Variants in ZFP14 observed in about 807,000 individuals in gnomAD.
ZFP14 encodes zinc finger protein 14 homolog.
In ZFP14, 22 loss-of-function variants were observed where a neutral mutation model predicts 54.5. The ratio of observed to expected loss-of-function variants is 0.40; its 90% confidence interval spans 0.29 to 0.58. The LOEUF is 0.58. ZFP14 is among the 20% of genes least tolerant of loss of function. The pLI is 0.39. For synonymous variants in ZFP14, 159 were observed against 204.0 expected (o/e 0.78, Z 1.88); for missense variants, 470 against 637.8 (o/e 0.74, Z 2.83).
At chr19:36,357,087 G>A (rs2031626301) in intron 4 of ZFP14, among the ~76,000 whole-genome samples, 1 of 152,142 alleles carries the variant, frequency 6.6e-6, no homozygotes, top group Non-Finnish European at 1.5e-5. Context: ...CTGTCACCCA[G>A]GCTGGAGTGC....
intron 1 of ZFP14, among the ~76,000 whole-genome samples, chr19:36,374,346 C>A (rs1159526341): frequency 6.6e-6 from 1 of 151,868 alleles, no homozygotes; most frequent in African/African-American, 2.4e-5. Context: ...AAAAATTAGC[C>A]GGGCATGATG....
rs1166390086 is a variant in ZFP14 at position 36,356,144 on chromosome 19, A to AG, written c.235+4290_235+4291insC. On this transcript the variant is annotated intron_variant, in intron 4 of 4. Coordinates refer to ENST00000270001, the MANE Select transcript of ZFP14 (RefSeq NM_020917.3). Reference sequence around the variant, plus strand: ...GTATAGCACAATATTCAAAACAAGAAATTAATGGGGCTGGGCGCAGTAGCT... The same window carrying AG: ...GTATAGCACAATATTCAAAACAAGAAGATTAATGGGGCTGGGCGCAGTAGCT... Among the ~76,000 whole-genome samples, 30 of 102,354 alleles carry AG rather than the reference A, an allele frequency of 2.9e-4. 1 individual carries two copies. The highest frequency in any genetic ancestry group is 8.5e-4 in the East Asian group (3 of 3,528). The allele number at this position is 102,354 out of a possible 152,430, so 67.1% of individuals were successfully genotyped here.
Position 36,353,304 on chromosome 19 carries a change from C to T in ZFP14, c.235+7131G>A, listed in dbSNP as rs962233001. On this transcript the variant is annotated intron_variant, in intron 4 of 4. Coordinates refer to ENST00000270001, the MANE Select transcript of ZFP14 (RefSeq NM_020917.3). ...GTACCATTCTCAGCAAAACCACTAT[C>T]ATCTTCAATGTGGACAAATGAAATA... is the stretch of plus-strand genomic sequence containing the variant. 3.5e-5 allele frequency among the ~76,000 whole-genome samples: 5 copies of T among 142,942 alleles called. 1 individual carries two copies. Among genetic ancestry groups the T allele is most frequent in the South Asian group, 2.2e-4 (1 of 4,512 alleles). 93.8% of individuals were successfully genotyped at this position (142,942 alleles called of 152,430 possible). A position where few individuals can be genotyped will look rare whatever the true frequency, so the allele number is the denominator to read the frequency against.
In ZFP14 at chr19:36,340,705, C is replaced by G. The variant is rs1259163230; in HGVS notation, c.1121G>C (p.Gly374Ala). 10 of 1,613,856 alleles carry G rather than the reference C, an allele frequency of 6.2e-6. No individual in the cohort carries two copies. Among genetic ancestry groups the G allele is most frequent in the Middle Eastern group, 1.6e-4 (1 of 6,062 alleles). Residue 374 changes from glycine (G) to alanine (A), a missense_variant, in exon 5 of 5, where the codon GGG becomes GCG. Transcript: ENST00000270001. The surrounding 1 kb of genome is among the most constrained non-coding windows in gnomAD (Gnocchi z 5.4). ...TTGTTGTCTTAATCTAAAAGTCTTC[C>G]CACATTCCTTACATTCGTAGGGTTT... is the stretch of plus-strand genomic sequence containing the variant. ...GEKPYECKEC[G>A]KTFRLRQQLV...
intron 1 of ZFP14, among the ~76,000 whole-genome samples, chr19:36,374,481 C>T (rs2031929230): frequency 7.4e-6 from 1 of 134,402 alleles, no homozygotes; most frequent in Admixed American, 7.9e-5. Context: ...CAGAGGGAGA[C>T]TCTGTCTCAA....
chr19:36,362,361 G>A (rs1422453115), intron 2 of ZFP14, 123 bp from the exon 3 acceptor site: 2 of 1,028,146 alleles, frequency 1.9e-6, no homozygotes, highest in Non-Finnish European at 2.7e-6. Context: ...GCATTGGGCT[G>A]AAAACTTGTG....
intron 4 of ZFP14, among the ~76,000 whole-genome samples, chr19:36,348,047 G>GAA (rs954568277): frequency 6.7e-6 from 1 of 148,486 alleles, no homozygotes; most frequent in Non-Finnish European, 1.5e-5. Context: ...AACAGAGTGA[G>GAA]AAAAAAAAAA....
chr19:36,342,413 C>CT (rs2031337611), intron 4 of ZFP14, among the ~76,000 whole-genome samples: 1 of 151,826 alleles, frequency 6.6e-6, no homozygotes, highest in Non-Finnish European at 1.5e-5. Context: ...TCTCGAACTC[C>CT]TGACCTCAGG....
intron 2 of ZFP14, 111 bp downstream of exon 2, chr19:36,367,773 G>C (rs1043337954): frequency 1.5e-6 from 2 of 1,333,688 alleles, no homozygotes; most frequent in Admixed American, 2.1e-5. Flanking sequence ...CATGGAGCAG[G>C]TTCTTGGATG....
At chr19:36,374,013 T>C (rs1229129757) in intron 1 of ZFP14, among the ~76,000 whole-genome samples, 1 of 152,062 alleles carries the variant, frequency 6.6e-6, no homozygotes, top group Non-Finnish European at 1.5e-5. Flanking sequence ...AAATGTACCT[T>C]TTTACAATGA....
chr19:36,363,133 G>A (rs1442382778), intron 2 of ZFP14, among the ~76,000 whole-genome samples: 1 of 150,066 alleles, frequency 6.7e-6, no homozygotes, highest in Non-Finnish European at 1.5e-5. Context: ...ACTGAATCAT[G>A]AAGATATCAT....
At chr19:36,342,384 A>G (rs183591288) in intron 4 of ZFP14, among the ~76,000 whole-genome samples, 1,662 of 151,066 alleles carry the variant, frequency 0.011, 12 homozygotes, top group Admixed American at 0.02. Flanking sequence ...ACAGGGTTTC[A>G]CCATGTTGGC....
At chr19:36,349,400 C>T (rs1301398726) in intron 4 of ZFP14, among the ~76,000 whole-genome samples, 1 of 151,672 alleles carries the variant, frequency 6.6e-6, no homozygotes, top group Non-Finnish European at 1.5e-5. Flanking sequence ...CACAGTGGCT[C>T]ACGCCTGTAA....
chr19:36,350,778 G>A (rs2031511108), intron 4 of ZFP14, among the ~76,000 whole-genome samples: 3 of 141,690 alleles, frequency 2.1e-5, no homozygotes, highest in Non-Finnish European at 3.1e-5. Context: ...AGCAGCTAAC[G>A]GGAAAAAATA....
chr19:36,371,692 C>T (rs939109711), intron 1 of ZFP14, among the ~76,000 whole-genome samples: 1 of 152,086 alleles, frequency 6.6e-6, no homozygotes, highest in Non-Finnish European at 1.5e-5. Flanking sequence ...GGCACAGAGG[C>T]TCATGCCTAT....
At chr19:36,344,363 A>C (rs1453029297) in intron 4 of ZFP14, among the ~76,000 whole-genome samples, 1 of 152,134 alleles carries the variant, frequency 6.6e-6, no homozygotes, top group Non-Finnish European at 1.5e-5. Flanking sequence ...TATGTTTATT[A>C]ATTTTCTCAT....
intron 4 of ZFP14, among the ~76,000 whole-genome samples, chr19:36,342,077 G>A (rs1386422998): frequency 3.3e-5 from 5 of 151,348 alleles, no homozygotes; most frequent in Admixed American, 2.6e-4. Context: ...GGATGGTATC[G>A]ATCTCCTGAC....
Position 36,337,034 on chromosome 19 carries a change from T to C in ZFP14, c.*3190A>G, listed in dbSNP as rs931777295. ...TATGTATCTCATATCATACGATCTT[T>C]TATTTTTTATAATCACACTGACATA... On this transcript the variant is annotated 3_prime_UTR_variant, in exon 5 of 5. Coordinates refer to ENST00000270001, the MANE Select transcript of ZFP14 (RefSeq NM_020917.3). The C allele has an allele frequency of 8.6e-6, 1 of 116,542 alleles. No homozygotes were observed. Among genetic ancestry groups the C allele is most frequent in the Admixed American group, 8.9e-5 (1 of 11,198 alleles). The allele number at this position is 116,542 out of a possible 1,614,324, so 7.2% of individuals were successfully genotyped here.
intron 3 of ZFP14, among the ~76,000 whole-genome samples, chr19:36,360,757 A>T (rs1449090572): frequency 6.6e-6 from 1 of 152,206 alleles, no homozygotes; most frequent in African/African-American, 2.4e-5. Flanking sequence ...TATATTAACC[A>T]TCTGGTCAAG....
Sources: allele counts gnomAD v4.1 joint callset (sites outside exome capture counted in the v4.1 genomes callset), GRCh38; gene constraint gnomAD v4.1.1; non-coding constraint Gnocchi (gnomAD v3.1); transcripts MANE v1.5; gene names NCBI Gene and HGNC (gene_info 2026-07-23, HGNC 2026-07-21).